The following EFL1 variants were observed in gnomAD, a reference collection of about 807,000 sequenced individuals.
EFL1 encodes elongation factor-like GTPase 1.
EFL1 carries 76 observed loss-of-function variants against 126.7 expected under a neutral mutation model. The observed-to-expected ratio is 0.60, with a 90% CI of 0.50 to 0.73. The LOEUF (loss-of-function observed/expected upper bound fraction) is 0.73, where lower values mean the gene tolerates loss of function less well. Ranked by LOEUF, EFL1 falls within the 30% of genes least tolerant of loss-of-function variation. The pLI is 0.00. For synonymous variants in EFL1, 410 were observed against 448.4 expected (o/e 0.91, Z 1.08); for missense variants, 1,128 against 1,343.2 (o/e 0.84, Z 2.50).
intron 15 of EFL1, among the ~76,000 whole-genome samples, chr15:82,210,862 C>CAA (rs76409669): frequency 2.7e-5 from 3 of 109,248 alleles, no homozygotes; most frequent in Middle Eastern, 0.01. Flanking sequence ...AACTCCATTA[C>CAA]AAAAAAAAAA....
chr15:82,232,730 T>C (rs938245165), intron 7 of EFL1, among the ~76,000 whole-genome samples: 1 of 152,212 alleles, frequency 6.6e-6, no homozygotes, highest in African/African-American at 2.4e-5. Context: ...CTGTCCATTA[T>C]GCTTTAAGTT....
chr15:82,156,069 T>C (rs10152239), intron 17 of EFL1, among the ~76,000 whole-genome samples: 10,299 of 152,232 alleles, frequency 0.068, 521 homozygotes, highest in African/African-American at 0.13. Context: ...AGGTTTTCCT[T>C]TGTCATTAGT....
intron 3 of EFL1, 84 bp downstream of exon 3, chr15:82,259,004 G>T: frequency 8.1e-7 from 1 of 1,239,102 alleles, no homozygotes; most frequent in Non-Finnish European, 1.2e-6. Context: ...CCTTTTGGAT[G>T]GCTGAAGAAC....
intron 15 of EFL1, among the ~76,000 whole-genome samples, chr15:82,207,107 C>T (rs2074532119): frequency 6.6e-6 from 1 of 151,790 alleles, no homozygotes; most frequent in African/African-American, 2.4e-5. Flanking sequence ...ATAAGAGGAT[C>T]CAAAATAAAA....
At chr15:82,157,950 A>G in intron 16 of EFL1, 90 bp from the exon 17 acceptor site, 5 of 1,333,648 alleles carry the variant, frequency 3.7e-6, no homozygotes, top group Non-Finnish European at 5.1e-6. Flanking sequence ...GGAAAATTAC[A>G]TTGAAATAAA....
chr15:82,163,273 A>G (rs2141241838), intron 16 of EFL1, among the ~76,000 whole-genome samples: 1 of 152,310 alleles, frequency 6.6e-6, no homozygotes, highest in Admixed American at 6.5e-5. Flanking sequence ...CGGGCACTTT[A>G]GTTCACGCCT....
At position 82,202,924 on chromosome 15, in the gene EFL1, G is replaced by A. The variant is rs374832085; in HGVS notation, c.1750+11793C>T. 6.6e-5 allele frequency among the ~76,000 whole-genome samples: 10 copies of A among 151,194 alleles called. No individual in the cohort carries two copies. The South Asian group carries it at 1.5e-3, about 22-fold the overall frequency. On this transcript the variant is annotated intron_variant, in intron 15 of 19. Coordinates refer to ENST00000268206, the MANE Select transcript of EFL1 (RefSeq NM_024580.6). ...CCTCCCGGTTTCAAGTGATTCTCCC[G>A]CCTCAGCCTCCCGAGTAGCTGGGGT...
chr15:82,261,579 G>T, intron 2 of EFL1, 109 bp downstream of exon 2: 1 of 1,057,956 alleles, frequency 9.5e-7, no homozygotes, highest in South Asian at 1.7e-5. Flanking sequence ...AAGAAGACTT[G>T]CTTCTTAGCA....
chr15:82,246,814 G>A (rs2074977084), intron 4 of EFL1, among the ~76,000 whole-genome samples: 1 of 152,074 alleles, frequency 6.6e-6, no homozygotes, highest in African/African-American at 2.4e-5. Flanking sequence ...TGAGATTGTG[G>A]AGGAGGGGAT....
intron 2 of EFL1, among the ~76,000 whole-genome samples, chr15:82,260,063 A>T (rs117741157): frequency 6.6e-6 from 1 of 152,220 alleles, no homozygotes; most frequent in East Asian, 1.9e-4. Context: ...TATTCACAGC[A>T]GTATCCCTAG....
chr15:82,240,691 T>C, intron 5 of EFL1, 136 bp from the exon 6 acceptor site: 1 of 948,728 alleles, frequency 1.1e-6, no homozygotes, highest in Non-Finnish European at 1.6e-6. Context: ...AAACTATGTA[T>C]ACAGCGGAGT....
rs78887772 is a variant in EFL1, at chr15:82,132,548, G to C, written c.3175-1987C>G. Reference sequence around the variant, plus strand: ...AGACAGTAGAAGTGAGAGCAGCCAGGGGGCACAGAGGCATTATCAGCACTA... The same window carrying C: ...AGACAGTAGAAGTGAGAGCAGCCAGCGGGCACAGAGGCATTATCAGCACTA... On this transcript the variant is annotated intron_variant, in intron 19 of 19. Coordinates refer to ENST00000268206, the MANE Select transcript of EFL1 (RefSeq NM_024580.6). 1.3e-3 allele frequency among the ~76,000 whole-genome samples: 63 copies of C among 50,220 alleles called. No individual in the cohort carries two copies. The South Asian group carries it at 0.013, about 10-fold the overall frequency. 32.9% of individuals were successfully genotyped at this position (50,220 alleles called of 152,430 possible).
chr15:82,248,443 G>A (rs562270373), intron 4 of EFL1, among the ~76,000 whole-genome samples: 1 of 152,278 alleles, frequency 6.6e-6, no homozygotes, highest in African/African-American at 2.4e-5. Flanking sequence ...TAGATGGCAT[G>A]AGTCAGTGTC....
chr15:82,145,541 T>G (rs2073835428), intron 18 of EFL1, among the ~76,000 whole-genome samples: 1 of 151,110 alleles, frequency 6.6e-6, no homozygotes, highest in South Asian at 2.1e-4. Flanking sequence ...TAATTAAAAC[T>G]CTTAACGAGG....
At position 82,245,608 on chromosome 15, in the gene EFL1, G is replaced by A. The variant is rs181981503; in HGVS notation, c.245-4205C>T. 1.4e-4 allele frequency among the ~76,000 whole-genome samples: 21 copies of A among 152,186 alleles called. No individual in the cohort carries two copies. In the East Asian group the frequency reaches 3.3e-3, roughly 24 times the overall value. On this transcript the variant is annotated intron_variant, in intron 4 of 19. Transcript: ENST00000268206. Reference sequence around the variant, plus strand: ...TATCTTTATGAGAAGCCTGCCACAAGGAGAGGTGAAGGGTGGTTGACTCTG... The same window carrying A: ...TATCTTTATGAGAAGCCTGCCACAAAGAGAGGTGAAGGGTGGTTGACTCTG...
Position 82,220,102 on chromosome 15 carries a change from A to G in EFL1, c.1420T>C (p.Cys474Arg). Reference sequence around the variant, plus strand: ...CCTCTTGGCTCCTCTCCTTTTGGACATGTTTCAATGGCACTCCCATCTTGG... The same window carrying G: ...CCTCTTGGCTCCTCTCCTTTTGGACGTGTTTCAATGGCACTCCCATCTTGG... The part of the protein sequence containing the change: ...PTQDGSAIET[C>R]PKGEEPRGDE... Residue 474 changes from cysteine (C) to arginine (R), a missense_variant, in exon 13 of 20, where the codon TGT becomes CGT. By Grantham distance (180) the Cys-to-Arg change is radical. Coordinates refer to ENST00000268206, the MANE Select transcript of EFL1 (RefSeq NM_024580.6). 1.9e-6 allele frequency: 3 copies of G among 1,610,786 alleles called. No individual in the cohort carries two copies. Among genetic ancestry groups the G allele is most frequent in the Non-Finnish European group, 1.7e-6 (2 of 1,179,018 alleles).
chr15:82,177,745 C>T (rs771792985), intron 15 of EFL1, among the ~76,000 whole-genome samples: 25 of 152,128 alleles, frequency 1.6e-4, no homozygotes, highest in Non-Finnish European at 3.4e-4. Context: ...AACACACTAC[C>T]CAAAGAATTT....
chr15:82,213,280 T>C (rs2074608364), intron 15 of EFL1, among the ~76,000 whole-genome samples: 1 of 152,196 alleles, frequency 6.6e-6, no homozygotes, highest in Admixed American at 6.5e-5. Context: ...TGTGCTACCA[T>C]CTCACTTTTT....
At chr15:82,164,911 AAG>A in intron 15 of EFL1, among the ~76,000 whole-genome samples, 1 of 151,824 alleles carries the variant, frequency 6.6e-6, no homozygotes, top group African/African-American at 2.4e-5. Context: ...AAAAAAAAAA[AAG>A]AGTGATAAAG....
Sources: gnomAD v4.1 joint callset for allele counts (sites outside exome capture counted in the v4.1 genomes callset) on GRCh38, gnomAD v4.1.1 for gene constraint, MANE v1.5 for transcripts, NCBI Gene and HGNC (gene_info 2026-07-23, HGNC 2026-07-21) for gene names.